The following CYB561 variants were observed in gnomAD, a reference collection of about 807,000 sequenced individuals.
The protein encoded by CYB561 is transmembrane ascorbate-dependent reductase CYB561.
Under a neutral mutation model 25.3 loss-of-function variants are expected in CYB561, and 11 were observed. The observed-to-expected ratio is 0.44, with a 90% confidence interval of 0.27 to 0.72. CYB561 has a LOEUF of 0.72. CYB561 is among the 30% of genes least tolerant of loss of function. CYB561 has a pLI of 0.18. For synonymous variants in CYB561, 165 were observed against 158.8 expected (o/e 1.04, Z -0.29); for missense variants, 295 against 334.9 (o/e 0.88, Z 0.93).
intron 1 of CYB561, chr17:63,440,101 T>G: frequency 2.5e-6 from 1 of 398,650 alleles, no homozygotes; most frequent in East Asian, 3.6e-5. Flanking sequence ...CTCCTGCCTC[T>G]GTCCTTATCT....
At chr17:63,441,050 G>C (rs1321791994) in intron 1 of CYB561, among the ~76,000 whole-genome samples, 1 of 152,216 alleles carries the variant, frequency 6.6e-6, no homozygotes, top group Non-Finnish European at 1.5e-5. Context: ...GCAGAGCGAG[G>C]GGCCGCTGCC....
chr17:63,434,394 C>T lies in CYB561; in HGVS notation c.*8G>A, dbSNP rs372488646. On this transcript the variant is annotated 3_prime_UTR_variant, in exon 6 of 6. Transcript: ENST00000360793. ...CACCCCGCGAACCCCCAGGGCCGGC[C>T]GGGCGCATCACTGGGAGCCGGGGCT... is the stretch of plus-strand genomic sequence containing the variant. 131 of 1,546,470 alleles carry T rather than the reference C, an allele frequency of 8.5e-5. No individual in the cohort carries two copies. Among genetic ancestry groups the T allele is most frequent in the South Asian group, 6.4e-4 (54 of 83,774 alleles).
intron 1 of CYB561, among the ~76,000 whole-genome samples, chr17:63,443,220 C>T (rs1209937548): frequency 6.6e-6 from 1 of 152,180 alleles, no homozygotes; most frequent in Non-Finnish European, 1.5e-5. Flanking sequence ...GCAGTGCTCC[C>T]CATCCCATGC....
chr17:63,440,514 T>C (rs2147499499), intron 1 of CYB561, among the ~76,000 whole-genome samples: 1 of 152,226 alleles, frequency 6.6e-6, no homozygotes, highest in South Asian at 2.1e-4. Context: ...CGAGTGCCAG[T>C]GAAATGCCAA....
At chr17:63,438,104 C>T (rs2049333756) in intron 1 of CYB561, 2 of 1,534,312 alleles carry the variant, frequency 1.3e-6, no homozygotes, top group South Asian at 1.2e-5. Context: ...CCAGCCTCCC[C>T]ACGGGGACAG....
chr17:63,438,645 C>T (rs1351877552), intron 1 of CYB561, among the ~76,000 whole-genome samples: 2 of 152,182 alleles, frequency 1.3e-5, no homozygotes, highest in Non-Finnish European at 2.9e-5. Flanking sequence ...CCCCCAGAAA[C>T]GAGGCCTGCG....
In CYB561 at chr17:63,437,918, G is replaced by T. The variant is rs572505676; in HGVS notation, c.-13-358C>A. The T allele has an allele frequency of 3.3e-4, 205 of 618,770 alleles. 1 individual carries two copies. In the Admixed American group the frequency reaches 6.3e-3, roughly 19 times the overall value. The allele number at this position is 618,770 out of a possible 1,614,324, so 38.3% of individuals were successfully genotyped here. On this transcript the variant is annotated intron_variant, in intron 1 of 5. Transcript: ENST00000360793. The stretch of plus-strand genomic sequence containing the variant: ...ATGCGCATGTCCCCCCCACGGATGC[G>T]CACAGCCCCTAGAGACTGCGCCTGA...
chr17:63,441,254 G>A (rs1417141342), intron 1 of CYB561, among the ~76,000 whole-genome samples: 2 of 152,234 alleles, frequency 1.3e-5, no homozygotes, highest in Non-Finnish European at 2.9e-5. Flanking sequence ...GTGTCAGTAG[G>A]GTGGGGACCC....
intron 5 of CYB561, 39 bp downstream of exon 5, chr17:63,435,047 G>T (rs2049279165): frequency 6.3e-7 from 1 of 1,592,742 alleles, no homozygotes; most frequent in Admixed American, 1.7e-5. Flanking sequence ...CTGTGCAAGG[G>T]TGGCCCAGGC....
At chr17:63,435,944 G>A in intron 3 of CYB561, 110 bp downstream of exon 3, 11 of 1,594,982 alleles carry the variant, frequency 6.9e-6, no homozygotes, top group Non-Finnish European at 9.4e-6. Context: ...TGTTTGGGGT[G>A]GGGGCGGGCC....
chr17:63,440,041 G>C (rs1223970925), intron 1 of CYB561, among the ~76,000 whole-genome samples: 1 of 152,110 alleles, frequency 6.6e-6, no homozygotes, highest in East Asian at 1.9e-4. Flanking sequence ...GGGTGGACGG[G>C]AATACGGGAT....
intron 1 of CYB561, among the ~76,000 whole-genome samples, chr17:63,445,589 A>C (rs1335863347): frequency 7.7e-6 from 1 of 129,064 alleles, no homozygotes; most frequent in East Asian, 2.7e-4. Context: ...GGGACAGGGC[A>C]GGGAGGGAGG....
At chr17:63,439,977 T>C (rs945613583) in intron 1 of CYB561, among the ~76,000 whole-genome samples, 3 of 152,202 alleles carry the variant, frequency 2.0e-5, no homozygotes, top group African/African-American at 7.2e-5. Context: ...TTTAGACTTC[T>C]GACACATTCC....
chr17:63,438,273 A>T (rs2049336431), intron 1 of CYB561: 1 of 1,470,068 alleles, frequency 6.8e-7, no homozygotes, highest in Admixed American at 2.0e-5. Flanking sequence ...TGAGTTACAC[A>T]GGCAAGCGCG....
upstream of CYB561, chr17:63,446,506 C>G (rs1218774859): frequency 6.6e-6 from 1 of 152,146 alleles, no homozygotes; most frequent in East Asian, 1.9e-4. Flanking sequence ...AGCCCGGCCT[C>G]GCGACCTCCC....
At chr17:63,446,509 G>A (rs1307943695), upstream of CYB561, 2 of 152,086 alleles carry the variant, frequency 1.3e-5, no homozygotes, top group Non-Finnish European at 2.9e-5. Flanking sequence ...CCGGCCTCGC[G>A]ACCTCCCTCC....
intron 1 of CYB561, chr17:63,437,974 C>CCCCCCCCCCCCCCCAGG: frequency 1.5e-6 from 1 of 652,536 alleles, no homozygotes; most frequent in Non-Finnish European, 2.4e-6. Flanking sequence ...ACGGCGGCCC[C>CCCCCCCCCCCCCCCAGG]GCCACCCTCC....
At chr17:63,444,581 G>A (rs1256311156) in intron 1 of CYB561, among the ~76,000 whole-genome samples, 1 of 152,060 alleles carries the variant, frequency 6.6e-6, no homozygotes. Context: ...CCAGATGGCA[G>A]CCGTCTCTAA....
In CYB561 at chr17:63,435,298, C is replaced by T; in HGVS notation, c.406-55G>A. ...CAGGGCGGCCGGACACCCCAGCAGCCGAGGTCGGCCAGGCCCACACCCACG... is the reference window on the plus strand; with the variant it reads ...CAGGGCGGCCGGACACCCCAGCAGCTGAGGTCGGCCAGGCCCACACCCACG... On this transcript the variant is annotated intron_variant, in intron 4 of 5. Coordinates refer to ENST00000360793, the MANE Select transcript of CYB561 (RefSeq NM_001915.4). The T allele has an allele frequency of 4.4e-6, 7 of 1,583,912 alleles. No homozygotes were observed. In the Admixed American group the frequency reaches 7.0e-5, roughly 16 times the overall value.
Sources: gnomAD v4.1 joint callset for allele counts (sites outside exome capture counted in the v4.1 genomes callset) on GRCh38, gnomAD v4.1.1 for gene constraint, MANE v1.5 for transcripts, NCBI Gene and HGNC (gene_info 2026-07-23, HGNC 2026-07-21) for gene names.